The following ABHD2 variants were observed in gnomAD, a reference collection of about 807,000 sequenced individuals.
The protein encoded by ABHD2 is abhydrolase domain containing 2, acylglycerol lipase.
A neutral mutation model predicts 48.1 loss-of-function variants in ABHD2; 20 were observed. The ratio of observed to expected loss-of-function variants is 0.42; its 90% CI spans 0.29 to 0.60. ABHD2 has a LOEUF of 0.60. Ranked by LOEUF, ABHD2 falls within the 20% of genes least tolerant of loss-of-function variation. ABHD2 has a pLI of 0.24. For synonymous variants in ABHD2, 209 were observed against 214.2 expected, an observed-to-expected ratio of 0.98 and a Z score of 0.21; for missense variants, 405 against 550.9, an observed-to-expected ratio of 0.74 and a Z score of 2.65.
At chr15:89,134,804 C>G (rs138440221) in intron 3 of ABHD2, among the ~76,000 whole-genome samples, 1 of 152,094 alleles carries the variant, frequency 6.6e-6, no homozygotes, top group South Asian at 2.1e-4. Flanking sequence ...TTTCTTATCT[C>G]CTTTTCTTGA....
At chr15:89,056,971 T>G in the ABHD2 span, among the ~76,000 whole-genome samples, 1 of 137,576 alleles carries the variant, frequency 7.3e-6, no homozygotes, top group Non-Finnish European at 1.5e-5. Flanking sequence ...TGGAGTGCAA[T>G]GGCGCCATCT....
the ABHD2 span, among the ~76,000 whole-genome samples, chr15:89,054,705 GA>G: frequency 6.7e-6 from 1 of 149,238 alleles, no homozygotes; most frequent in Non-Finnish European, 1.5e-5. Context: ...AAAAAAAAAA[GA>G]AAAGGCACCT....
chr15:89,066,129 G>T, the ABHD2 span, among the ~76,000 whole-genome samples: 1 of 152,034 alleles, frequency 6.6e-6, no homozygotes, highest in Non-Finnish European at 1.5e-5. Flanking sequence ...GCAATATTTA[G>T]GATTTTTTCC....
rs989952774 is a variant in ABHD2, at chr15:89,088,901, C to G, written c.-107+338C>G. Among the ~76,000 whole-genome samples the G allele has an allele frequency of 1.3e-5, 2 of 152,206 alleles. No homozygotes were observed. Among genetic ancestry groups the G allele is most frequent in the Admixed American group, 6.5e-5 (1 of 15,288 alleles). Reference sequence around the variant, plus strand: ...GGGCCTGGGGAGGGGTCTGCCGGTTCAGGCTCGGCGAAGAAGGTCCGGGAT... The same window carrying G: ...GGGCCTGGGGAGGGGTCTGCCGGTTGAGGCTCGGCGAAGAAGGTCCGGGAT... On this transcript the variant is annotated intron_variant, in intron 1 of 10. Coordinates refer to ENST00000352732, the MANE Select transcript of ABHD2 (RefSeq NM_152924.5). This position sits in a 1 kb window ranked among gnomAD's most constrained non-coding sequence, Gnocchi z 6.8.
At chr15:89,156,115 C>CTTTTTTTTTTTTTTT (rs1185978751) in intron 5 of ABHD2, among the ~76,000 whole-genome samples, 1 of 85,660 alleles carries the variant, frequency 1.2e-5, no homozygotes, top group Non-Finnish European at 2.1e-5. Context: ...TTTTTATTGT[C>CTTTTTTTTTTTTTTT]TTTTTTTTTT....
intron 1 of ABHD2, among the ~76,000 whole-genome samples, chr15:89,109,986 A>T (rs2049847668): frequency 6.6e-6 from 1 of 152,256 alleles, no homozygotes; most frequent in East Asian, 1.9e-4. Flanking sequence ...TCTCTAGATT[A>T]CTTATAATAC....
rs534821368 is a variant in ABHD2, at chr15:89,102,837, C to A, written c.-106-10888C>A. 1.3e-5 allele frequency among the ~76,000 whole-genome samples: 2 copies of A among 152,188 alleles called. No individual in the cohort carries two copies. Among genetic ancestry groups the A allele is most frequent in the African/African-American group, 4.8e-5 (2 of 41,424 alleles). Reference sequence around the variant, plus strand: ...GCAAATGCCTGCCTGATACAGGCAACGTTTGCACAAAAACCCAAAGGAAGA... The same window carrying A: ...GCAAATGCCTGCCTGATACAGGCAAAGTTTGCACAAAAACCCAAAGGAAGA... On this transcript the variant is annotated intron_variant, in intron 1 of 10. Coordinates refer to ENST00000352732, the MANE Select transcript of ABHD2 (RefSeq NM_152924.5). The surrounding 1 kb of genome is among the most constrained non-coding windows in gnomAD (Gnocchi z 4.8).
At chr15:89,090,932 G>A (rs182911340) in intron 1 of ABHD2, among the ~76,000 whole-genome samples, 1 of 152,304 alleles carries the variant, frequency 6.6e-6, no homozygotes, top group Non-Finnish European at 1.5e-5. Context: ...AATAGGGGGA[G>A]CACCAGCAGC....
chr15:89,059,619 C>T, the ABHD2 span, among the ~76,000 whole-genome samples: 3,179 of 152,192 alleles, frequency 0.021, 116 homozygotes, highest in African/African-American at 0.072. Flanking sequence ...TTGAGAAGTA[C>T]GACCGGCTAC....
upstream of ABHD2, among the ~76,000 whole-genome samples, chr15:89,084,209 TAAAA>T (rs3049684): frequency 1.1e-3 from 152 of 138,770 alleles, 1 homozygote; most frequent in African/African-American, 3.5e-3. This position sits in a 1 kb window ranked among gnomAD's most constrained non-coding sequence, Gnocchi z 4.4. Context: ...TTTGCTAGTG[TAAAA>T]AAAAAAAAAA....
chr15:89,092,639 A>C lies in ABHD2; in HGVS notation c.-107+4076A>C, dbSNP rs1454695905. The stretch of plus-strand genomic sequence containing the variant: ...AGTATTAGCGATTTCTTCATCCTCC[A>C]GAAGTGGTCCCTGAACTTCCAAGGG... On this transcript the variant is annotated intron_variant, in intron 1 of 10. Coordinates refer to ENST00000352732, the MANE Select transcript of ABHD2 (RefSeq NM_152924.5). The surrounding 1 kb of genome is among the most constrained non-coding windows in gnomAD (Gnocchi z 4.4). 1.3e-5 allele frequency among the ~76,000 whole-genome samples: 2 copies of C among 152,256 alleles called. No homozygotes were observed.
intron 5 of ABHD2, among the ~76,000 whole-genome samples, chr15:89,157,294 A>G (rs1174229195): frequency 6.6e-6 from 1 of 152,230 alleles, no homozygotes; most frequent in Non-Finnish European, 1.5e-5. Context: ...GCATATTTGT[A>G]CATCTTGTCA....
chr15:89,098,528 G>A (rs1268232335), intron 1 of ABHD2, among the ~76,000 whole-genome samples: 2 of 152,162 alleles, frequency 1.3e-5, no homozygotes, highest in South Asian at 2.1e-4. Context: ...CCAGCTCCTT[G>A]TGTGGCCTGA....
intron 3 of ABHD2, among the ~76,000 whole-genome samples, chr15:89,141,020 G>T (rs1216935341): frequency 6.6e-6 from 1 of 151,746 alleles, no homozygotes. Context: ...CCATGCTGGA[G>T]TGCAGTGGCC....
chr15:89,152,092 T>C (rs1412671403), intron 4 of ABHD2, among the ~76,000 whole-genome samples: 1 of 151,762 alleles, frequency 6.6e-6, no homozygotes, highest in East Asian at 1.9e-4. Flanking sequence ...TTTTTTTTTT[T>C]TGAGACGGAG....
chr15:89,159,869 G>GA (rs897027506), intron 5 of ABHD2, among the ~76,000 whole-genome samples: 6 of 151,670 alleles, frequency 4.0e-5, no homozygotes, highest in East Asian at 3.9e-4. Flanking sequence ...AGGTGACCTA[G>GA]AAAAAAAATG....
intron 6 of ABHD2, among the ~76,000 whole-genome samples, chr15:89,181,467 A>C (rs2051113716): frequency 6.6e-6 from 1 of 152,106 alleles, no homozygotes; most frequent in African/African-American, 2.4e-5. Context: ...GTCTACATCC[A>C]CATCCCATTA....
In ABHD2 at chr15:89,201,883, G is replaced by C; in HGVS notation, c.*6460G>C. On this transcript the variant is annotated 3_prime_UTR_variant, in exon 11 of 11. Transcript: ENST00000352732. ...GCGAGAGGGGAGGGGGAGCGAGTTCGCATCTCTCCTTTTCCTGGTTAGACT... is the reference window on the plus strand; with the variant it reads ...GCGAGAGGGGAGGGGGAGCGAGTTCCCATCTCTCCTTTTCCTGGTTAGACT... The C allele has an allele frequency of 1.5e-6, 1 of 673,602 alleles. No homozygotes were observed. The highest frequency in any genetic ancestry group is 2.6e-6 in the Non-Finnish European group (1 of 390,376). 41.7% of individuals were successfully genotyped at this position (673,602 alleles called of 1,614,324 possible).
rs1465799800 is a variant in ABHD2, at chr15:89,200,334, C to T, written c.*4911C>T. Reference sequence around the variant, plus strand: ...TGGGGCGGCGGGCAGCAGAGACGCACCTCACTTCCTAGACAGTGCGGCAGC... The same window carrying T: ...TGGGGCGGCGGGCAGCAGAGACGCATCTCACTTCCTAGACAGTGCGGCAGC... On this transcript the variant is annotated 3_prime_UTR_variant, in exon 11 of 11. Transcript: ENST00000352732. 2 of 150,494 alleles carry T rather than the reference C, an allele frequency of 1.3e-5. No homozygotes were observed. Among genetic ancestry groups the T allele is most frequent in the African/African-American group, 4.9e-5 (2 of 40,660 alleles). The allele number at this position is 150,494 out of a possible 1,614,324, so 9.3% of individuals were successfully genotyped here.
Sources: allele counts gnomAD v4.1 joint callset (sites outside exome capture counted in the v4.1 genomes callset), GRCh38; gene constraint gnomAD v4.1.1; non-coding constraint Gnocchi (gnomAD v3.1); transcripts MANE v1.5; gene names NCBI Gene and HGNC (gene_info 2026-07-23, HGNC 2026-07-21).